The following ABLIM1 variants were observed in gnomAD, a reference collection of about 807,000 sequenced individuals.
ABLIM1 encodes actin-binding LIM protein 1.
ABLIM1 carries 40 observed loss-of-function variants against 107.0 expected under a neutral mutation model. The observed-to-expected ratio is 0.37, with a 90% CI of 0.29 to 0.49. The LOEUF is 0.49. Among genes scored for constraint, ABLIM1 ranks in the 20% least tolerant of loss-of-function variants. The probability of loss-of-function intolerance (pLI) is 0.97; values close to 1 mark genes in which losing one functional copy is unlikely to be tolerated. For missense variants in ABLIM1, 857 were observed against 1,008.5 expected (o/e 0.85, Z 2.04); for synonymous variants, 357 against 357.3 (o/e 1.00, Z 0.01).
chr10:114,791,351 A>G, the ABLIM1 span, among the ~76,000 whole-genome samples: 3 of 152,138 alleles, frequency 2.0e-5, no homozygotes, highest in Admixed American at 6.5e-5. Context: ...TAAAAACTTT[A>G]AATATGGCAG....
At position 114,762,815 on chromosome 10, in the gene ABLIM1, G is replaced by T. The variant is rs1321260690; in HGVS notation, c.-213+5246C>A. On this transcript the variant is annotated intron_variant, in intron 1 of 15. Transcript: ENST00000651092. The stretch of plus-strand genomic sequence containing the variant: ...TCTTTTCACTTAACAATGTATCATG[G>T]CCATCCCTCCAGACCAGTGCATATG... 3.9e-5 allele frequency among the ~76,000 whole-genome samples: 6 copies of T among 152,114 alleles called. No homozygotes were observed. The East Asian group carries it at 1.2e-3, about 29-fold the overall frequency.
chr10:114,696,701 T>C (rs962378945), intron 1 of ABLIM1, among the ~76,000 whole-genome samples: 7 of 146,862 alleles, frequency 4.8e-5, no homozygotes, highest in African/African-American at 1.5e-4. Context: ...CCTTTCACCT[T>C]CTGCCATGAT....
In ABLIM1 at chr10:114,733,079, T is replaced by A. The variant is rs144318818; in HGVS notation, c.-213+34982A>T. On this transcript the variant is annotated intron_variant, in intron 1 of 15. Coordinates refer to the ABLIM1 transcript ENST00000651092. ...CAATTATGTTGTGGAGAGCCATGAGTGTAGTTACAGAATTTGGACTTTGCT... is the reference window on the plus strand; with the variant it reads ...CAATTATGTTGTGGAGAGCCATGAGAGTAGTTACAGAATTTGGACTTTGCT... Among the ~76,000 whole-genome samples the A allele has an allele frequency of 3.9e-4, 60 of 152,248 alleles. No homozygotes were observed. The East Asian group carries it at 0.012, about 29-fold the overall frequency.
the ABLIM1 span, among the ~76,000 whole-genome samples, chr10:114,798,965 TTTTTA>T: frequency 6.6e-6 from 1 of 151,856 alleles, no homozygotes; most frequent in Non-Finnish European, 1.5e-5. Flanking sequence ...CCAGCTAGTT[TTTTTA>T]TTTTTAGTAG....
chr10:114,517,862 C>T (rs570775308), intron 6 of ABLIM1, among the ~76,000 whole-genome samples: 1 of 152,284 alleles, frequency 6.6e-6, no homozygotes, highest in East Asian at 1.9e-4. Context: ...CATAGTAACG[C>T]TGCACGGGCT....
chr10:114,583,326 G>A (rs916409010), intron 2 of ABLIM1, among the ~76,000 whole-genome samples: 5 of 144,982 alleles, frequency 3.4e-5, no homozygotes, highest in East Asian at 2.2e-4. Context: ...CAGTCCAAAC[G>A]GCTATTACTA....
At chr10:114,461,743 T>C (rs1389929115) in intron 12 of ABLIM1, among the ~76,000 whole-genome samples, 1 of 151,958 alleles carries the variant, frequency 6.6e-6, no homozygotes, top group Non-Finnish European at 1.5e-5. Flanking sequence ...CGCTTGAGCC[T>C]GGGAAGTGGA....
intron 10 of ABLIM1, among the ~76,000 whole-genome samples, chr10:114,468,963 A>G (rs1487126416): frequency 6.6e-6 from 1 of 150,920 alleles, no homozygotes; most frequent in Non-Finnish European, 1.5e-5. Context: ...GAGGCAGGAG[A>G]ATGGCGTGAA....
chr10:114,583,669 T>C (rs2497656), intron 2 of ABLIM1, among the ~76,000 whole-genome samples: 1 of 151,098 alleles, frequency 6.6e-6, no homozygotes. Flanking sequence ...ACGTGTACTC[T>C]TCTGTTCATC....
exon 1 of ABLIM1, chr10:114,684,646 G>A: frequency 8.5e-7 from 1 of 1,173,110 alleles, no homozygotes; most frequent in Non-Finnish European, 1.1e-6. Flanking sequence ...AAGCACATCA[G>A]CTCAATGACG....
At chr10:114,627,460 A>G (rs896999054) in intron 1 of ABLIM1, among the ~76,000 whole-genome samples, 3 of 152,170 alleles carry the variant, frequency 2.0e-5, no homozygotes, top group Non-Finnish European at 4.4e-5. Context: ...GTAAAGAAGC[A>G]AAGGGCAGCT....
chr10:114,584,519 C>T (rs953248370), intron 2 of ABLIM1, among the ~76,000 whole-genome samples: 1 of 152,056 alleles, frequency 6.6e-6, no homozygotes, highest in Non-Finnish European at 1.5e-5. Flanking sequence ...GTACCACACA[C>T]GGCAGCTCAA....
chr10:114,753,986 G>A (rs2082575155), intron 1 of ABLIM1, among the ~76,000 whole-genome samples: 1 of 151,452 alleles, frequency 6.6e-6, no homozygotes, highest in African/African-American at 2.4e-5. Context: ...CAAGTAGCTG[G>A]GACTACAGGC....
chr10:114,599,767 C>G (rs997247938), intron 2 of ABLIM1, among the ~76,000 whole-genome samples: 7 of 150,970 alleles, frequency 4.6e-5, no homozygotes, highest in Non-Finnish European at 8.8e-5. Flanking sequence ...AGCCTGGCAA[C>G]AGAGTGAGAC....
chr10:114,658,008 G>A lies in ABLIM1; in HGVS notation c.193C>T (p.Pro65Ser). Residue 65 changes from proline (P) to serine (S), a missense_variant, in exon 1 of 23, where the codon CCC becomes TCC. Around this residue, in one of 5 missense-constraint regions of ABLIM1, gnomAD observed 176 missense variants for 173.5 expected, o/e 1.01. Transcript: ENST00000533213. Reference protein sequence around the residue: ...ATITHLLYLCPKDYCPRGRVC... With the variant: ...ATITHLLYLCSKDYCPRGRVC... ...CGCCCACGTGGGCAGTAGTCCTTGG[G>A]ACAGAGATACAGCAAATGAGTGATA... 2.5e-6 allele frequency: 4 copies of A among 1,614,156 alleles called. No homozygotes were observed. Among genetic ancestry groups the A allele is most frequent in the Non-Finnish European group, 3.4e-6 (4 of 1,180,022 alleles).
chr10:114,496,641 C>T (rs1254571246), intron 6 of ABLIM1, among the ~76,000 whole-genome samples: 9 of 152,136 alleles, frequency 5.9e-5, no homozygotes, highest in Non-Finnish European at 1.0e-4. Context: ...TGCACATGTA[C>T]TATGGAACTT....
intron 1 of ABLIM1, among the ~76,000 whole-genome samples, chr10:114,614,651 T>G (rs1204677661): frequency 6.6e-6 from 1 of 152,202 alleles, no homozygotes; most frequent in Non-Finnish European, 1.5e-5. Flanking sequence ...AACACCAGTG[T>G]CAGCACCAGA....
chr10:114,591,647 C>T (rs2074888874), intron 2 of ABLIM1, among the ~76,000 whole-genome samples: 2 of 152,134 alleles, frequency 1.3e-5, no homozygotes, highest in South Asian at 4.1e-4. Context: ...CTTTCTCATA[C>T]TTAACAAAAA....
intron 1 of ABLIM1, among the ~76,000 whole-genome samples, chr10:114,712,954 A>G (rs2081584081): frequency 3.3e-5 from 5 of 152,166 alleles, no homozygotes; most frequent in Admixed American, 3.3e-4. Flanking sequence ...GGAGGACAAG[A>G]TGGGAGGATC....
Sources: allele counts gnomAD v4.1 joint callset (sites outside exome capture counted in the v4.1 genomes callset), GRCh38; gene constraint gnomAD v4.1.1; regional missense constraint gnomAD v4.1.1; transcripts MANE v1.5; gene names NCBI Gene and HGNC (gene_info 2026-07-23, HGNC 2026-07-21).